VNN1: variants seen among roughly 807,000 people sequenced by gnomAD.
The protein encoded by VNN1 is pantetheinase.
VNN1 carries 29 observed loss-of-function variants against 41.9 expected under a neutral mutation model. The ratio of observed to expected loss-of-function variants is 0.69; its 90% CI spans 0.52 to 0.94. The LOEUF (loss-of-function observed/expected upper bound fraction) is 0.94. Ranked by LOEUF, VNN1 falls within the 40% of genes least tolerant of loss-of-function variation. The pLI, the probability that VNN1 is intolerant of heterozygous loss-of-function variation, is 0.00. For synonymous variants in VNN1, 233 were observed against 224.4 expected, an observed-to-expected ratio of 1.04 and a Z score of -0.34; for missense variants, 637 against 621.1, an observed-to-expected ratio of 1.03 and a Z score of -0.27.
At chr6:132,686,372 C>T (rs934266707) in intron 5 of VNN1, among the ~76,000 whole-genome samples, 2 of 152,040 alleles carry the variant, frequency 1.3e-5, no homozygotes, top group African/African-American at 2.4e-5. Flanking sequence ...TGCTTGAACC[C>T]GGGAGGCAGA....
intron 5 of VNN1, among the ~76,000 whole-genome samples, chr6:132,688,525 A>T (rs73559739): frequency 0.024 from 3,614 of 152,252 alleles, 145 homozygotes; most frequent in African/African-American, 0.083. Flanking sequence ...AAGACTCTGG[A>T]GGAGGTAAAA....
At chr6:132,709,817 G>T (rs1217984455) in intron 2 of VNN1, among the ~76,000 whole-genome samples, 1 of 152,138 alleles carries the variant, frequency 6.6e-6, no homozygotes, top group African/African-American at 2.4e-5. Flanking sequence ...TGGAGATGAG[G>T]TTCTAGGGAA....
chr6:132,680,879 T>C lies in VNN1; in HGVS notation c.*2261A>G, dbSNP rs1040181560. Among the ~76,000 whole-genome samples, 4 of 152,240 alleles carry C rather than the reference T, an allele frequency of 2.6e-5. No homozygotes were observed. The highest frequency in any genetic ancestry group is 2.0e-4 in the Admixed American group (3 of 15,286). On this transcript the variant is annotated 3_prime_UTR_variant, in exon 7 of 7. Transcript: ENST00000367928. ...ATTATTAGATTATTTAATTTAATTA[T>C]TCAATGTATAGAAAGTTTTTTAGTG... is the stretch of plus-strand genomic sequence containing the variant.
At chr6:132,705,800 C>G (rs368999750) in intron 2 of VNN1, among the ~76,000 whole-genome samples, 1 of 151,816 alleles carries the variant, frequency 6.6e-6, no homozygotes, top group Admixed American at 6.6e-5. Context: ...ATAGAACTGA[C>G]AAACAAATTC....
intron 2 of VNN1, 106 bp from the exon 3 acceptor site, chr6:132,694,288 G>T: frequency 9.0e-7 from 1 of 1,111,702 alleles, no homozygotes; most frequent in Non-Finnish European, 1.2e-6. Context: ...ATATGCAAAA[G>T]TAAATTCTAA....
chr6:132,684,106 C>A (rs1441410662), intron 6 of VNN1, among the ~76,000 whole-genome samples: 1 of 151,188 alleles, frequency 6.6e-6, no homozygotes, highest in Non-Finnish European at 1.5e-5. Flanking sequence ...TCCCTATAAT[C>A]CCCAAAATAA....
chr6:132,702,622 T>C (rs2114363298), intron 2 of VNN1, among the ~76,000 whole-genome samples: 1 of 152,276 alleles, frequency 6.6e-6, no homozygotes, highest in African/African-American at 2.4e-5. Context: ...CCCTCTGCCT[T>C]AAGAAAGGAG....
intron 2 of VNN1, 51 bp downstream of exon 2, chr6:132,711,658 G>A (rs17061677): frequency 0.048 from 75,636 of 1,582,978 alleles, 2,973 homozygotes; most frequent in Admixed American, 0.17. Flanking sequence ...GTTTTCCCAG[G>A]TAAATCAAGT....
intron 1 of VNN1, 27 bp from the exon 2 acceptor site, chr6:132,711,866 G>A: frequency 3.1e-6 from 5 of 1,610,212 alleles, no homozygotes; most frequent in Non-Finnish European, 4.2e-6. Flanking sequence ...TTAATCCAAA[G>A]GGGGGCCTGC....
intron 2 of VNN1, chr6:132,698,946 G>T: frequency 5.4e-6 from 1 of 186,476 alleles, no homozygotes. Context: ...ACAGGACTTT[G>T]AAGTACAAGA....
At chr6:132,703,682 G>A (rs961181255) in intron 2 of VNN1, among the ~76,000 whole-genome samples, 5 of 151,918 alleles carry the variant, frequency 3.3e-5, no homozygotes, top group Admixed American at 6.6e-5. Context: ...AAACAAAATG[G>A]CAGGAGTATG....
At chr6:132,684,677 AT>A (rs1234686672) in intron 5 of VNN1, among the ~76,000 whole-genome samples, 172 bp from the exon 6 acceptor site, 1 of 152,194 alleles carries the variant, frequency 6.6e-6, no homozygotes, top group Non-Finnish European at 1.5e-5. Flanking sequence ...AATTTTAAAG[AT>A]AAAAAATAGA....
rs199607824 is a variant in VNN1, at chr6:132,713,931, T to C, written c.105A>G (p.Ile35Met). The stretch of plus-strand genomic sequence containing the variant: ...CTGGTGTTAGGGTGGCATTGGGCAA[T>C]ATCGCTGCATGCTCATAAACAGCTG... ...FTAAVYEHAA[I>M]LPNATLTPVS... The change falls in exon 1 of 7, where the codon ATA becomes ATG. Residue 35 changes from isoleucine (I) to methionine (M), a missense_variant. Coordinates refer to ENST00000367928, the MANE Select transcript of VNN1 (RefSeq NM_004666.3). 6.8e-6 allele frequency: 11 copies of C among 1,614,142 alleles called. No homozygotes were observed. The highest frequency in any genetic ancestry group is 1.7e-4 in the Middle Eastern group (1 of 6,030).
chr6:132,697,443 G>A (rs1269581943), intron 2 of VNN1, among the ~76,000 whole-genome samples: 2 of 152,084 alleles, frequency 1.3e-5, no homozygotes, highest in African/African-American at 4.8e-5. Flanking sequence ...GGAAATCCTG[G>A]AGCATTTGTT....
At chr6:132,706,784 T>G (rs1251095895) in intron 2 of VNN1, among the ~76,000 whole-genome samples, 1 of 152,082 alleles carries the variant, frequency 6.6e-6, no homozygotes, top group East Asian at 1.9e-4. Context: ...AACCGGAATA[T>G]GTAAGAAGTC....
At chr6:132,694,223 A>T in intron 2 of VNN1, 41 bp from the exon 3 acceptor site, 1 of 1,523,568 alleles carries the variant, frequency 6.6e-7, no homozygotes, top group South Asian at 1.3e-5. Context: ...TTTGTAAATC[A>T]ATCTTAACTC....
chr6:132,693,633 T>C (rs1778324710), intron 3 of VNN1, among the ~76,000 whole-genome samples: 1 of 152,212 alleles, frequency 6.6e-6, no homozygotes, highest in Admixed American at 6.5e-5. Flanking sequence ...ACTTTGTTTG[T>C]TCCATTCTCC....
intron 2 of VNN1, among the ~76,000 whole-genome samples, chr6:132,697,335 G>C (rs140434910): frequency 3.1e-4 from 47 of 152,196 alleles, no homozygotes; most frequent in Admixed American, 1.8e-3. Context: ...GGAACAGTGA[G>C]AGACTAAATG....
intron 2 of VNN1, among the ~76,000 whole-genome samples, chr6:132,710,637 C>A (rs1778586116): frequency 6.6e-6 from 1 of 152,092 alleles, no homozygotes; most frequent in African/African-American, 2.4e-5. Flanking sequence ...GTTTTCTGTT[C>A]CTGTGTTAGT....
Sources: allele counts gnomAD v4.1 joint callset (sites outside exome capture counted in the v4.1 genomes callset), GRCh38; gene constraint gnomAD v4.1.1; transcripts MANE v1.5; gene names NCBI Gene and HGNC (gene_info 2026-07-23, HGNC 2026-07-21).